NIPAL2: variants seen among roughly 807,000 people sequenced by gnomAD.
NIPAL2 encodes NIPA-like protein 2.
In NIPAL2, 43 loss-of-function variants were observed where a neutral mutation model predicts 48.9. That is an observed-to-expected ratio of 0.88 (90% CI 0.69 to 1.13). The LOEUF (loss-of-function observed/expected upper bound fraction) is 1.13, where lower values mean the gene tolerates loss of function less well. NIPAL2 is among the 50% of genes most tolerant of loss of function. The probability of loss-of-function intolerance (pLI) is 0.00; values close to 1 mark genes in which losing one functional copy is unlikely to be tolerated. For missense variants in NIPAL2, 446 were observed against 461.4 expected, an observed-to-expected ratio of 0.97 and a Z score of 0.31; for synonymous variants, 167 against 174.6, an observed-to-expected ratio of 0.96 and a Z score of 0.34.
rs141653843 is a variant in NIPAL2, at chr8:98,286,144, A to T, written c.135+7859T>A. On this transcript the variant is annotated intron_variant, in intron 1 of 10. Transcript: ENST00000430223. ...CTTTCACCATGTGATGCCTTCCCTC[A>T]TGTTATGACACAGCAAGAAGGCCCT... 3.3e-3 allele frequency among the ~76,000 whole-genome samples: 498 copies of T among 152,202 alleles called. 5 individuals carry two copies. Among genetic ancestry groups the T allele is most frequent in the African/African-American group, 9.4e-3 (389 of 41,536 alleles).
At chr8:98,264,762 T>C (rs1202406676) in intron 1 of NIPAL2, among the ~76,000 whole-genome samples, 99 of 151,870 alleles carry the variant, frequency 6.5e-4, no homozygotes, top group African/African-American at 2.2e-3. Context: ...CCTTTCTTCA[T>C]AGAATTGGAA....
rs527527100 is a variant in NIPAL2 at position 98,228,061 on chromosome 8, C to T, written c.437-5461G>A. Among the ~76,000 whole-genome samples the T allele has an allele frequency of 1.8e-3, 268 of 152,280 alleles. 3 individuals carry two copies. The highest frequency in any genetic ancestry group is 5.7e-3 in the African/African-American group (236 of 41,558). The stretch of plus-strand genomic sequence containing the variant: ...AAGTAATCACTGTGTTCTTCTTCCC[C>T]GAGTGTGCAGATTCTCTGTGCCACT... On this transcript the variant is annotated intron_variant, in intron 4 of 10. Transcript: ENST00000430223.
intron 5 of NIPAL2, among the ~76,000 whole-genome samples, chr8:98,219,024 G>C (rs1157307070): frequency 6.6e-6 from 1 of 152,202 alleles, no homozygotes; most frequent in African/African-American, 2.4e-5. Context: ...TCAAGTTCAA[G>C]AGACTTTACA....
chr8:98,291,705 CT>C (rs531759511), intron 1 of NIPAL2, among the ~76,000 whole-genome samples: 52 of 152,274 alleles, frequency 3.4e-4, no homozygotes, highest in Non-Finnish European at 6.8e-4. Context: ...CATAAAGTGC[CT>C]TTTGTTTACC....
intron 5 of NIPAL2, among the ~76,000 whole-genome samples, chr8:98,217,883 A>T (rs1225182097): frequency 6.6e-6 from 1 of 152,204 alleles, no homozygotes; most frequent in Non-Finnish European, 1.5e-5. Context: ...CCAGAACTGT[A>T]AAATTCCTGC....
chr8:98,271,853 G>A (rs966788118), intron 1 of NIPAL2, among the ~76,000 whole-genome samples: 1 of 150,504 alleles, frequency 6.6e-6, no homozygotes, highest in Non-Finnish European at 1.5e-5. Flanking sequence ...TTATTTTGAG[G>A]TATGTTCCTT....
chr8:98,275,270 C>T (rs1350905472), intron 1 of NIPAL2, among the ~76,000 whole-genome samples: 2 of 152,034 alleles, frequency 1.3e-5, no homozygotes, highest in Non-Finnish European at 2.9e-5. Context: ...ATCCTCTTTC[C>T]CTCACCATTC....
At chr8:98,217,334 G>A (rs1479989812) in intron 5 of NIPAL2, 6 of 513,246 alleles carry the variant, frequency 1.2e-5, no homozygotes, top group Middle Eastern at 1.8e-3. Context: ...GAGCCAGTGG[G>A]TGCCGCACTA....
intron 2 of NIPAL2, 102 bp from the exon 3 acceptor site, chr8:98,252,736 A>C: frequency 1.0e-6 from 1 of 980,492 alleles, no homozygotes; most frequent in Non-Finnish European, 1.4e-6. Context: ...TAAGAACGCT[A>C]ATTTATTTTT....
At chr8:98,235,269 G>A (rs1011918766) in intron 4 of NIPAL2, among the ~76,000 whole-genome samples, 12 of 152,088 alleles carry the variant, frequency 7.9e-5, no homozygotes, top group Non-Finnish European at 1.5e-4. Flanking sequence ...ATTTTGTCAC[G>A]GAAGAAAATA....
intron 5 of NIPAL2, among the ~76,000 whole-genome samples, chr8:98,215,021 G>A (rs534226390): frequency 8.1e-4 from 124 of 152,190 alleles, no homozygotes; most frequent in African/African-American, 2.9e-3. Flanking sequence ...TCCATTTCTC[G>A]CATGAGACAA....
At chr8:98,196,705 G>A (rs1207165204) in intron 8 of NIPAL2, among the ~76,000 whole-genome samples, 1 of 152,216 alleles carries the variant, frequency 6.6e-6, no homozygotes, top group Non-Finnish European at 1.5e-5. Flanking sequence ...ATATCTTTAA[G>A]TTATATGTTG....
At chr8:98,195,873 T>G in intron 9 of NIPAL2, 69 bp downstream of exon 9, 5 of 1,116,458 alleles carry the variant, frequency 4.5e-6, no homozygotes, top group Non-Finnish European at 6.6e-6. Flanking sequence ...ATACCTCCGG[T>G]ACAATGCCGA....
At chr8:98,240,162 GACTGGATATTT>G (rs1402748235) in intron 3 of NIPAL2, among the ~76,000 whole-genome samples, 1 of 152,226 alleles carries the variant, frequency 6.6e-6, no homozygotes, top group African/African-American at 2.4e-5. Flanking sequence ...CCATAGTTAT[GACTGGATATTT>G]ACTTAAGCAA....
At chr8:98,210,695 C>T (rs1208157898) in intron 6 of NIPAL2, among the ~76,000 whole-genome samples, 1 of 152,092 alleles carries the variant, frequency 6.6e-6, no homozygotes, top group Non-Finnish European at 1.5e-5. Context: ...CTCCTAACCC[C>T]CTTATATTTC....
intron 1 of NIPAL2, among the ~76,000 whole-genome samples, chr8:98,292,367 C>T (rs1816530948): frequency 6.6e-6 from 1 of 152,154 alleles, no homozygotes; most frequent in Non-Finnish European, 1.5e-5. Context: ...AATGCAATTA[C>T]TGAAAAGATA....
intron 3 of NIPAL2, among the ~76,000 whole-genome samples, chr8:98,251,053 C>T (rs966842473): frequency 1.3e-5 from 2 of 151,956 alleles, no homozygotes; most frequent in African/African-American, 2.4e-5. Flanking sequence ...ATCCCACTCC[C>T]GCAAAAGGCT....
chr8:98,238,602 T>G (rs1812835880), intron 3 of NIPAL2, among the ~76,000 whole-genome samples: 1 of 148,536 alleles, frequency 6.7e-6, no homozygotes, highest in Admixed American at 6.6e-5. Flanking sequence ...AGATGCTATT[T>G]GTTTCCTTTT....
At chr8:98,221,064 C>T (rs1811843558) in intron 5 of NIPAL2, among the ~76,000 whole-genome samples, 1 of 147,706 alleles carries the variant, frequency 6.8e-6, no homozygotes, top group Non-Finnish European at 1.5e-5. Context: ...TAGCCTCTGC[C>T]TCCCAGGTCC....
Sources: gnomAD v4.1 joint callset for allele counts (sites outside exome capture counted in the v4.1 genomes callset) on GRCh38, gnomAD v4.1.1 for gene constraint, MANE v1.5 for transcripts, NCBI Gene and HGNC (gene_info 2026-07-23, HGNC 2026-07-21) for gene names.